TAF3: variants seen among roughly 807,000 people sequenced by gnomAD.
TAF3 encodes the protein transcription initiation factor TFIID subunit 3.
Under a neutral mutation model 80.6 loss-of-function variants are expected in TAF3, and 7 were observed. The observed-to-expected ratio is 0.09, with a 90% CI of 0.05 to 0.16. The LOEUF (loss-of-function observed/expected upper bound fraction) is 0.16. Among genes scored for constraint, TAF3 ranks in the 10% least tolerant of loss-of-function variants. The pLI, the probability that TAF3 is intolerant of heterozygous loss-of-function variation, is 1.00. For missense variants in TAF3, 921 were observed against 1,140.2 expected (o/e 0.81, Z 2.77); for synonymous variants, 444 against 446.1 (o/e 1.00, Z 0.06).
chr10:7,998,505 T>C (rs1032237749), intron 4 of TAF3, among the ~76,000 whole-genome samples: 1 of 152,132 alleles, frequency 6.6e-6, no homozygotes, highest in South Asian at 2.1e-4. Flanking sequence ...TTTAAGCCAT[T>C]CTAATGGGCG....
At chr10:7,966,451 A>G (rs1831572444) in intron 3 of TAF3, among the ~76,000 whole-genome samples, 2 of 152,136 alleles carry the variant, frequency 1.3e-5, no homozygotes, top group Admixed American at 1.3e-4. Context: ...GAAACCCCGC[A>G]GTTTTGTAGG....
chr10:7,920,587 AAC>A (rs1162529693), intron 2 of TAF3, among the ~76,000 whole-genome samples: 1 of 152,218 alleles, frequency 6.6e-6, no homozygotes, highest in Non-Finnish European at 1.5e-5. Flanking sequence ...TATTCACAGA[AAC>A]AGTTTCTAAA....
intron 2 of TAF3, among the ~76,000 whole-genome samples, chr10:7,913,567 T>G (rs542984469): frequency 6.6e-6 from 1 of 152,344 alleles, no homozygotes; most frequent in East Asian, 1.9e-4. Context: ...CACCACCCAA[T>G]CTGGCAAACC....
chr10:7,928,677 AT>A (rs1186964967), intron 2 of TAF3, among the ~76,000 whole-genome samples: 1 of 152,098 alleles, frequency 6.6e-6, no homozygotes, highest in Non-Finnish European at 1.5e-5. Flanking sequence ...TGGTTTTTCT[AT>A]TCCTTCTGGG....
At chr10:7,969,721 A>G (rs1467379673) in intron 3 of TAF3, among the ~76,000 whole-genome samples, 2 of 152,228 alleles carry the variant, frequency 1.3e-5, no homozygotes, top group Non-Finnish European at 2.9e-5. Flanking sequence ...TGATCTGGAA[A>G]GGCACAGTAG....
chr10:7,851,659 G>A (rs1837027639), intron 2 of TAF3, among the ~76,000 whole-genome samples: 1 of 152,120 alleles, frequency 6.6e-6, no homozygotes, highest in African/African-American at 2.4e-5. Context: ...ATGTTGGCTT[G>A]ATGAAAAGCC....
At chr10:7,888,306 T>TGGTTTCCA (rs1204874747) in intron 2 of TAF3, among the ~76,000 whole-genome samples, 5 of 152,168 alleles carry the variant, frequency 3.3e-5, no homozygotes, top group African/African-American at 4.8e-5. Flanking sequence ...TTTTCAACAA[T>TGGTTTCCA]GGTTTCCAGA....
At chr10:7,913,867 A>G (rs112556160) in intron 2 of TAF3, among the ~76,000 whole-genome samples, 47 of 152,376 alleles carry the variant, frequency 3.1e-4, no homozygotes, top group African/African-American at 1.1e-3. Context: ...TAGGAAACAC[A>G]GCAGATAGAG....
chr10:7,896,096 G>C (rs778708801), intron 2 of TAF3, among the ~76,000 whole-genome samples: 1 of 152,184 alleles, frequency 6.6e-6, no homozygotes, highest in African/African-American at 2.4e-5. Context: ...TGCATCGGTT[G>C]CTGCTGATAG....
At chr10:7,883,708 C>T (rs1347895628) in intron 2 of TAF3, among the ~76,000 whole-genome samples, 1 of 152,164 alleles carries the variant, frequency 6.6e-6, no homozygotes, top group African/African-American at 2.4e-5. Flanking sequence ...AAGATTTTCC[C>T]CTCCTTCCCA....
At chr10:7,921,783 T>G (rs1045529288) in intron 2 of TAF3, among the ~76,000 whole-genome samples, 10 of 151,012 alleles carry the variant, frequency 6.6e-5, no homozygotes, top group African/African-American at 2.4e-4. Flanking sequence ...GTTAGTTGAA[T>G]ATTGTAGAAG....
intron 2 of TAF3, among the ~76,000 whole-genome samples, chr10:7,885,272 A>ACACC (rs1554779933): frequency 4.0e-5 from 6 of 151,496 alleles, no homozygotes; most frequent in African/African-American, 1.5e-4. Flanking sequence ...ACACACACAC[A>ACACC]CCCCCACACA....
chr10:7,905,607 C>T (rs1429063480), intron 2 of TAF3, among the ~76,000 whole-genome samples: 1 of 152,074 alleles, frequency 6.6e-6, no homozygotes, highest in African/African-American at 2.4e-5. Flanking sequence ...CAGGGCCAGG[C>T]GCGGTGGCTC....
intron 2 of TAF3, among the ~76,000 whole-genome samples, chr10:7,854,657 G>A (rs537269934): frequency 7.1e-6 from 1 of 141,634 alleles, no homozygotes; most frequent in East Asian, 2.3e-4. Flanking sequence ...GCCCTCTAAT[G>A]GGGGGGCGGG....
Position 7,957,798 on chromosome 10 carries a change from T to TCG in TAF3, c.410-6121_410-6120insGC, listed in dbSNP as rs745381604. ...GTCTCACGCTCTCTCTAGCGCGCTC[T>TCG]CTCTCTCTCTCTCTCTCTCTCTCTC... On this transcript the variant is annotated intron_variant, in intron 2 of 6. Coordinates refer to ENST00000344293, the MANE Select transcript of TAF3 (RefSeq NM_031923.4). Among the ~76,000 whole-genome samples the TCG allele has an allele frequency of 5.8e-3, 538 of 92,004 alleles. 8 individuals carry two copies. In the East Asian group the frequency reaches 0.069, roughly 12 times the overall value. 60.4% of individuals were successfully genotyped at this position (92,004 alleles called of 152,430 possible). A position where few individuals can be genotyped will look rare whatever the true frequency, so the allele number is the denominator to read the frequency against.
intron 4 of TAF3, among the ~76,000 whole-genome samples, chr10:7,993,381 G>A (rs771806423): frequency 6.6e-6 from 1 of 152,226 alleles, no homozygotes; most frequent in East Asian, 1.9e-4. Context: ...GTCTTGCTGT[G>A]TTGCCCAGGA....
At chr10:7,946,648 AG>A (rs1369485941) in intron 2 of TAF3, among the ~76,000 whole-genome samples, 6 of 152,136 alleles carry the variant, frequency 3.9e-5, no homozygotes, top group African/African-American at 1.4e-4. Context: ...ACTTGGACCC[AG>A]GAGGTGGAGG....
At chr10:7,857,010 T>C (rs1388723406) in intron 2 of TAF3, among the ~76,000 whole-genome samples, 1 of 152,248 alleles carries the variant, frequency 6.6e-6, no homozygotes, top group Non-Finnish European at 1.5e-5. Context: ...CAGAGAATGC[T>C]TTTGTTAATT....
intron 2 of TAF3, among the ~76,000 whole-genome samples, chr10:7,846,327 C>G (rs1220770930): frequency 6.6e-6 from 1 of 152,128 alleles, no homozygotes; most frequent in Admixed American, 6.5e-5. Flanking sequence ...ATTTACAGTA[C>G]TACTGGTAAT....
Sources: gnomAD v4.1 joint callset for allele counts (sites outside exome capture counted in the v4.1 genomes callset) on GRCh38, gnomAD v4.1.1 for gene constraint, MANE v1.5 for transcripts, NCBI Gene and HGNC (gene_info 2026-07-23, HGNC 2026-07-21) for gene names.